The following PSD3 variants were observed in gnomAD, a reference collection of about 807,000 sequenced individuals.
The protein encoded by PSD3 is pleckstrin and Sec7 domain containing 3, also known as PH and SEC7 domain-containing protein 3.
In PSD3, 49 loss-of-function variants were observed where a neutral mutation model predicts 105.5. The ratio of observed to expected loss-of-function variants is 0.46; its 90% CI spans 0.37 to 0.59. PSD3 has a LOEUF of 0.59. PSD3 is among the 20% of genes least tolerant of loss of function. The pLI is 0.00. For missense variants in PSD3, 1,561 were observed against 1,263.8 expected (o/e 1.24, Z -3.57); for synonymous variants, 557 against 457.8 (o/e 1.22, Z -2.77).
chr8:18,916,349 T>TACATAC (rs1820601965), intron 2 of PSD3, among the ~76,000 whole-genome samples: 2 of 44,712 alleles, frequency 4.5e-5, no homozygotes, highest in African/African-American at 1.7e-4. Context: ...TATATATATA[T>TACATAC]ACACACACAC....
At chr8:18,830,662 G>A (rs951479748) in intron 4 of PSD3, among the ~76,000 whole-genome samples, 2 of 152,158 alleles carry the variant, frequency 1.3e-5, no homozygotes, top group African/African-American at 4.8e-5. Context: ...GTTACCTAAA[G>A]AACAACATGG....
At position 18,727,660 on chromosome 8, in the gene PSD3, G is replaced by C. The variant is rs1803436341; in HGVS notation, c.2172+37789C>G. Reference sequence around the variant, plus strand: ...TCCCCTACTACACTATTCCAGGCTGGCTATCATTACCCATATTTTGGCAGT... The same window carrying C: ...TCCCCTACTACACTATTCCAGGCTGCCTATCATTACCCATATTTTGGCAGT... On this transcript the variant is annotated intron_variant, in intron 9 of 15. Coordinates refer to ENST00000327040, the MANE Select transcript of PSD3 (RefSeq NM_015310.4). 2.0e-5 allele frequency among the ~76,000 whole-genome samples: 3 copies of C among 151,282 alleles called. No individual in the cohort carries two copies. The South Asian group carries it at 6.3e-4, about 32-fold the overall frequency.
intron 11 of PSD3, among the ~76,000 whole-genome samples, chr8:18,615,415 C>G (rs997003427): frequency 1.3e-5 from 2 of 152,184 alleles, no homozygotes; most frequent in South Asian, 4.2e-4. Context: ...ATAAGAACCC[C>G]TTCCCCTCCC....
chr8:18,714,138 G>T (rs902848126), intron 9 of PSD3, among the ~76,000 whole-genome samples: 5 of 152,038 alleles, frequency 3.3e-5, no homozygotes, highest in Admixed American at 3.3e-4. Context: ...ACTCAAGATG[G>T]ATTAAAGACT....
intron 8 of PSD3, among the ~76,000 whole-genome samples, chr8:18,767,036 T>A (rs1227105763): frequency 6.6e-6 from 1 of 152,078 alleles, no homozygotes; most frequent in African/African-American, 2.4e-5. Flanking sequence ...ATAGAAATAA[T>A]CTTGAAAAGA....
intron 11 of PSD3, among the ~76,000 whole-genome samples, chr8:18,627,454 T>A (rs1026281637): frequency 6.6e-6 from 1 of 151,892 alleles, no homozygotes; most frequent in African/African-American, 2.4e-5. Context: ...AATAAAGTAG[T>A]GGGATGGACA....
At chr8:19,016,205 C>T (rs1379565031), upstream of PSD3, among the ~76,000 whole-genome samples, 1 of 152,134 alleles carries the variant, frequency 6.6e-6, no homozygotes, top group African/African-American at 2.4e-5. Flanking sequence ...ACACAAGCAC[C>T]CGCCTTGGTA....
intron 8 of PSD3, among the ~76,000 whole-genome samples, chr8:18,788,489 C>T (rs938733916): frequency 3.3e-5 from 5 of 152,176 alleles, no homozygotes; most frequent in Non-Finnish European, 2.9e-5. Flanking sequence ...CCTAGGAGAG[C>T]TGCGAATAGG....
At chr8:18,538,029 T>A (rs959633266) in intron 15 of PSD3, among the ~76,000 whole-genome samples, 6 of 152,172 alleles carry the variant, frequency 3.9e-5, no homozygotes, top group African/African-American at 1.4e-4. Flanking sequence ...CTAAAGCTGC[T>A]GCCCCGTGAC....
At chr8:18,548,468 C>G (rs562037774) in intron 15 of PSD3, among the ~76,000 whole-genome samples, 2 of 152,314 alleles carry the variant, frequency 1.3e-5, no homozygotes, top group East Asian at 3.9e-4. Context: ...GGAATACTTT[C>G]TCCAAACAGC....
Position 19,023,359 on chromosome 8 carries a change from G to A in PSD3, c.324+60847C>T, listed in dbSNP as rs190271744. Among the ~76,000 whole-genome samples the A allele has an allele frequency of 1.4e-3, 220 of 152,040 alleles. 1 individual carries two copies. Among genetic ancestry groups the A allele is most frequent in the African/African-American group, 4.8e-3 (198 of 41,486 alleles). On this transcript the variant is annotated intron_variant, in intron 1 of 1. Coordinates refer to the PSD3 transcript ENST00000521475. Reference sequence around the variant, plus strand: ...CTAGCCGTATTTCAAGTGTTCAGTAGCCATAGGTAGTTAGTGGCTACTGAA... The same window carrying A: ...CTAGCCGTATTTCAAGTGTTCAGTAACCATAGGTAGTTAGTGGCTACTGAA...
chr8:18,698,616 T>C (rs1415868804), intron 9 of PSD3, among the ~76,000 whole-genome samples: 2 of 152,166 alleles, frequency 1.3e-5, no homozygotes, highest in East Asian at 1.9e-4. Context: ...TGCCAACCCA[T>C]TTTGGACTTC....
intron 8 of PSD3, among the ~76,000 whole-genome samples, chr8:18,784,116 G>A (rs972423466): frequency 1.3e-5 from 2 of 151,902 alleles, no homozygotes; most frequent in Non-Finnish European, 2.9e-5. Context: ...TCCTATCCTT[G>A]AGCATTTTTC....
chr8:18,568,210 A>G (rs1409530146), intron 14 of PSD3, among the ~76,000 whole-genome samples: 1 of 152,180 alleles, frequency 6.6e-6, no homozygotes, highest in African/African-American at 2.4e-5. Context: ...TAGAAACACA[A>G]AATGGGCTAA....
At chr8:18,558,842 A>T (rs1301697313) in intron 14 of PSD3, among the ~76,000 whole-genome samples, 5 of 151,918 alleles carry the variant, frequency 3.3e-5, no homozygotes, top group African/African-American at 1.2e-4. Flanking sequence ...ACAAAACAAA[A>T]CCAGAAGTGT....
At chr8:19,027,106 C>G (rs907401546) in intron 1 of PSD3, among the ~76,000 whole-genome samples, 1 of 152,078 alleles carries the variant, frequency 6.6e-6, no homozygotes, top group African/African-American at 2.4e-5. Flanking sequence ...TGAACCCTTA[C>G]ATTGGAAAAT....
intron 8 of PSD3, among the ~76,000 whole-genome samples, chr8:18,775,448 T>C (rs1254843876): frequency 6.6e-6 from 1 of 152,228 alleles, no homozygotes; most frequent in Non-Finnish European, 1.5e-5. Context: ...TTTTTCATAC[T>C]GTCTTTTTCA....
chr8:18,845,809 T>A (rs1037460652), intron 4 of PSD3, among the ~76,000 whole-genome samples: 2 of 152,198 alleles, frequency 1.3e-5, no homozygotes, highest in African/African-American at 4.8e-5. Context: ...AGAAGGGAAC[T>A]CAAACTGGTC....
At chr8:19,027,834 C>T (rs907394872) in intron 1 of PSD3, among the ~76,000 whole-genome samples, 1 of 152,168 alleles carries the variant, frequency 6.6e-6, no homozygotes, top group Admixed American at 6.5e-5. Context: ...TGTTTTTCCA[C>T]TCACCAGTTG....
Sources: gnomAD v4.1 joint callset for allele counts (sites outside exome capture counted in the v4.1 genomes callset) on GRCh38, gnomAD v4.1.1 for gene constraint, MANE v1.5 for transcripts, NCBI Gene and HGNC (gene_info 2026-07-23, HGNC 2026-07-21) for gene names.